Variants in ST6GALNAC5 observed in about 807,000 individuals in gnomAD.
ST6GALNAC5 encodes the protein ST6 N-acetylgalactosaminide alpha-2,6-sialyltransferase 5, also known as alpha-N-acetylgalactosaminide alpha-2,6-sialyltransferase 5.
A neutral mutation model predicts 33.6 loss-of-function variants in ST6GALNAC5; 27 were observed. The observed-to-expected ratio is 0.80, with a 90% CI of 0.59 to 1.11. The LOEUF is 1.11. Ranked by LOEUF, ST6GALNAC5 falls within the 50% of genes least tolerant of loss-of-function variation. ST6GALNAC5 has a pLI of 0.00. For missense variants in ST6GALNAC5, 428 were observed against 454.0 expected (o/e 0.94, Z 0.52); for synonymous variants, 194 against 171.2 (o/e 1.13, Z -1.04).
chr1:76,986,136 C>A (rs926318660), intron 2 of ST6GALNAC5, among the ~76,000 whole-genome samples: 11 of 151,852 alleles, frequency 7.2e-5, no homozygotes, highest in Non-Finnish European at 1.3e-4. Context: ...GTGATGGTAA[C>A]AAAAGCCAAA....
chr1:76,981,031 G>A (rs1348083608), intron 2 of ST6GALNAC5, among the ~76,000 whole-genome samples: 1 of 152,154 alleles, frequency 6.6e-6, no homozygotes, highest in African/African-American at 2.4e-5. Flanking sequence ...ATTCCAAGAT[G>A]GCCAAATAGG....
intron 2 of ST6GALNAC5, among the ~76,000 whole-genome samples, chr1:76,939,994 T>A (rs1303596806): frequency 6.6e-6 from 1 of 152,092 alleles, no homozygotes; most frequent in Non-Finnish European, 1.5e-5. Context: ...TATTGAATTG[T>A]TGATATGTGA....
rs369190694 is a variant in ST6GALNAC5 at position 77,039,863 on chromosome 1, C to T, written c.262-4341C>T. Among the ~76,000 whole-genome samples the T allele has an allele frequency of 1.2e-4, 19 of 152,328 alleles. 1 individual carries two copies. In the East Asian group the frequency reaches 3.1e-3, roughly 25 times the overall value. ...GGAGCCACCTCCCCTCTTGTGTCTT[C>T]GGCAGTACATCATCTCCCAGGCCGA... On this transcript the variant is annotated intron_variant, in intron 2 of 4. Coordinates refer to ENST00000477717, the MANE Select transcript of ST6GALNAC5 (RefSeq NM_030965.3).
At chr1:76,896,255 C>T (rs1012477726) in intron 2 of ST6GALNAC5, among the ~76,000 whole-genome samples, 5 of 152,066 alleles carry the variant, frequency 3.3e-5, no homozygotes, top group African/African-American at 4.8e-5. Flanking sequence ...CTAGACTAAG[C>T]GGTATTTTAG....
chr1:77,023,567 T>G (rs1651128639), intron 2 of ST6GALNAC5, among the ~76,000 whole-genome samples: 1 of 152,110 alleles, frequency 6.6e-6, no homozygotes, highest in African/African-American at 2.4e-5. Context: ...AACTGCAGGA[T>G]GGCACAAGTC....
chr1:76,937,753 C>A (rs988363007), intron 2 of ST6GALNAC5, among the ~76,000 whole-genome samples: 1 of 152,048 alleles, frequency 6.6e-6, no homozygotes, highest in African/African-American at 2.4e-5. Context: ...AAACACTTTT[C>A]TTTTCCTCTG....
At chr1:76,922,218 G>A (rs1017471652) in intron 2 of ST6GALNAC5, among the ~76,000 whole-genome samples, 1 of 152,084 alleles carries the variant, frequency 6.6e-6, no homozygotes, top group Non-Finnish European at 1.5e-5. Context: ...GTATTCCTAC[G>A]ATGAACATGT....
chr1:77,038,609 G>A (rs986207767), intron 2 of ST6GALNAC5, among the ~76,000 whole-genome samples: 5 of 152,236 alleles, frequency 3.3e-5, no homozygotes, highest in African/African-American at 1.2e-4. Context: ...ACATCGCTGA[G>A]TGTTTTAGGT....
chr1:76,959,416 T>C (rs1173351731), intron 2 of ST6GALNAC5, among the ~76,000 whole-genome samples: 1 of 152,246 alleles, frequency 6.6e-6, no homozygotes, highest in Non-Finnish European at 1.5e-5. Context: ...CTGGAATTAT[T>C]CTTTGCTTTG....
At chr1:76,876,164 G>T (rs1397367602) in intron 2 of ST6GALNAC5, among the ~76,000 whole-genome samples, 1 of 152,212 alleles carries the variant, frequency 6.6e-6, no homozygotes, top group African/African-American at 2.4e-5. Flanking sequence ...CATGATGGAA[G>T]AGGTCCAATA....
chr1:76,909,681 T>G (rs1646893558), intron 2 of ST6GALNAC5, among the ~76,000 whole-genome samples: 1 of 151,776 alleles, frequency 6.6e-6, no homozygotes, highest in South Asian at 2.1e-4. Context: ...TCAATGCAAA[T>G]AAAATACACT....
At chr1:76,947,287 G>A (rs924100136) in intron 2 of ST6GALNAC5, among the ~76,000 whole-genome samples, 4 of 152,026 alleles carry the variant, frequency 2.6e-5, no homozygotes, top group East Asian at 1.9e-4. Flanking sequence ...CTCTTTCAAC[G>A]AAATAAGTAA....
At position 76,871,547 on chromosome 1, in the gene ST6GALNAC5, T is replaced by G. The variant is rs147453062; in HGVS notation, c.261+2805T>G. Among the ~76,000 whole-genome samples the G allele has an allele frequency of 5.6e-4, 86 of 152,338 alleles. 1 individual carries two copies. Among genetic ancestry groups the G allele is most frequent in the African/African-American group, 1.9e-3 (77 of 41,582 alleles). On this transcript the variant is annotated intron_variant, in intron 2 of 4. Transcript: ENST00000477717. Reference sequence around the variant, plus strand: ...GGTCCTAATCCCCAGCACCTGAATTTCACAAATTACAGCCTGTCTGCAATG... The same window carrying G: ...GGTCCTAATCCCCAGCACCTGAATTGCACAAATTACAGCCTGTCTGCAATG...
At chr1:77,046,598 A>G (rs1201177258) in intron 3 of ST6GALNAC5, among the ~76,000 whole-genome samples, 1 of 152,186 alleles carries the variant, frequency 6.6e-6, no homozygotes, top group Non-Finnish European at 1.5e-5. Context: ...CTGCCACAAA[A>G]TCCAGTCATG....
chr1:76,974,659 A>T (rs981652780), intron 2 of ST6GALNAC5, among the ~76,000 whole-genome samples: 2 of 150,512 alleles, frequency 1.3e-5, no homozygotes, highest in Non-Finnish European at 2.9e-5. Context: ...ATGTTAGTTT[A>T]TAACCTGATA....
chr1:76,900,435 A>G (rs531079534), intron 2 of ST6GALNAC5, among the ~76,000 whole-genome samples: 2 of 152,336 alleles, frequency 1.3e-5, no homozygotes, highest in East Asian at 3.9e-4. Context: ...TACAATTATT[A>G]AAGATTTTAT....
intron 2 of ST6GALNAC5, among the ~76,000 whole-genome samples, chr1:77,037,644 GC>G (rs1651695100): frequency 6.6e-6 from 1 of 152,094 alleles, no homozygotes; most frequent in Non-Finnish European, 1.5e-5. Flanking sequence ...TAAGATCTAA[GC>G]AGGTGAGTGA....
intron 4 of ST6GALNAC5, among the ~76,000 whole-genome samples, chr1:77,061,009 T>C (rs977454540): frequency 2.6e-5 from 4 of 152,178 alleles, no homozygotes; most frequent in African/African-American, 9.7e-5. Flanking sequence ...TTTTTCTTCA[T>C]AGTGGTCAGC....
At chr1:76,994,702 C>A (rs954305526) in intron 2 of ST6GALNAC5, among the ~76,000 whole-genome samples, 18 of 152,198 alleles carry the variant, frequency 1.2e-4, no homozygotes, top group African/African-American at 4.3e-4. Flanking sequence ...CATACTGCCC[C>A]AGACCACAGC....
Sources: gnomAD v4.1 joint callset for allele counts (sites outside exome capture counted in the v4.1 genomes callset) on GRCh38, gnomAD v4.1.1 for gene constraint, MANE v1.5 for transcripts, NCBI Gene and HGNC (gene_info 2026-07-23, HGNC 2026-07-21) for gene names.